Variants in MCF2 observed in about 807,000 individuals in gnomAD.
The protein encoded by MCF2 is MCF.2 cell line derived transforming sequence, also known as proto-oncogene DBL.
Under a neutral mutation model 82.5 loss-of-function variants are expected in MCF2, and 44 were observed. The ratio of observed to expected loss-of-function variants is 0.53; its 90% confidence interval spans 0.42 to 0.69. The LOEUF is 0.69. Ranked by LOEUF, MCF2 falls within the 30% of genes least tolerant of loss-of-function variation. The pLI is 0.00. For synonymous variants in MCF2, 217 were observed against 224.9 expected, an observed-to-expected ratio of 0.96 and a Z score of 0.32; for missense variants, 623 against 663.1, an observed-to-expected ratio of 0.94 and a Z score of 0.66.
upstream of MCF2, among the ~76,000 whole-genome samples, chrX:139,645,025 T>C (rs1010908048): frequency 9.0e-6 from 1 of 110,956 alleles, no homozygotes; most frequent in Non-Finnish European, 1.9e-5. Context: ...AGAGAAAATG[T>C]TTCTCTCTCT....
chrX:139,655,294 G>C (rs1158942199), intron 1 of MCF2, among the ~76,000 whole-genome samples: 1 of 111,483 alleles, frequency 9.0e-6, no homozygotes, highest in Admixed American at 9.5e-5. Flanking sequence ...TTCCAATTTT[G>C]TGTGTCCTCT....
intron 10 of MCF2, among the ~76,000 whole-genome samples, chrX:139,614,507 ATGTGTGTG>A (rs10578610): frequency 0.018 from 1,826 of 102,978 alleles, 30 homozygotes; most frequent in African/African-American, 0.056. Context: ...AGCAGTAAAT[ATGTGTGTG>A]TGTGTGTGTG....
intron 1 of MCF2, among the ~76,000 whole-genome samples, chrX:139,637,730 T>C (rs1933315283): frequency 8.9e-6 from 1 of 111,824 alleles, no homozygotes; most frequent in Admixed American, 9.5e-5. Context: ...AGTGCCATTA[T>C]CCTCAAAGAT....
rs1256674393 is a variant in MCF2 at position 139,589,855 on chromosome X, C to T, written c.2350G>A (p.Glu784Lys). ...CCAACCTGGACAATATAAACTTCTT[C>T]CTTTTCACCATACCAGATTTCAAAC... The change falls in exon 20 of 25, where the codon GAA becomes AAA. Residue 784 changes from glutamate to lysine, a missense_variant. Glu to Lys is a moderately conservative substitution (Grantham distance 56). Transcript: ENST00000370576. The T allele has an allele frequency of 8.4e-7, 1 of 1,194,507 alleles. No individual in the cohort carries two copies. The highest frequency in any genetic ancestry group is 2.3e-5 in the Admixed American group (1 of 43,048).
At chrX:139,640,250 T>C (rs1933484315) in intron 1 of MCF2, among the ~76,000 whole-genome samples, 2 of 112,013 alleles carry the variant, frequency 1.8e-5, no homozygotes, top group South Asian at 7.4e-4. Flanking sequence ...TAATTTACTG[T>C]CAGACAAATG....
At chrX:139,604,831 T>C in intron 14 of MCF2, 38 bp downstream of exon 18, 1 of 1,080,208 alleles carries the variant, frequency 9.3e-7, no homozygotes, top group African/African-American at 1.8e-5. Flanking sequence ...TTTAAATAGT[T>C]TTATAAAAAA....
At chrX:139,696,167 T>A (rs1318852623) in intron 1 of MCF2, among the ~76,000 whole-genome samples, 2 of 111,455 alleles carry the variant, frequency 1.8e-5, no homozygotes, top group African/African-American at 3.3e-5. Context: ...AATTCCTCTC[T>A]CTAATGTGAT....
At chrX:139,645,683 C>G (rs774207895), upstream of MCF2, 3 of 931,814 alleles carry the variant, frequency 3.2e-6, no homozygotes, top group South Asian at 4.4e-5. Flanking sequence ...GAAATAAGAA[C>G]TTTTTCTTAA....
At position 139,656,061 on chromosome X, in the gene MCF2, T is replaced by G. The variant is rs746419652; in HGVS notation, c.-44-4273A>C. On this transcript the variant is annotated intron_variant, in intron 1 of 27. Transcript: ENST00000414978. ...TGCTGTTTTTTTTTGTTTGTTTGTT[T>G]TGTTTTTGTTTTTGTTTTGAGACGG... is the stretch of plus-strand genomic sequence containing the variant. Among the ~76,000 whole-genome samples, 11 of 111,729 alleles carry G rather than the reference T, an allele frequency of 9.8e-5. No individual in the cohort carries two copies. In the South Asian group the frequency reaches 2.2e-3, roughly 23 times the overall value.
intron 1 of MCF2, among the ~76,000 whole-genome samples, chrX:139,698,323 G>A (rs2148583813): frequency 8.9e-6 from 1 of 112,604 alleles, no homozygotes; most frequent in African/African-American, 3.2e-5. Flanking sequence ...AAATGTAAAT[G>A]TTAACTGCTT....
At chrX:139,696,716 A>G (rs903110213) in intron 1 of MCF2, among the ~76,000 whole-genome samples, 6 of 111,906 alleles carry the variant, frequency 5.4e-5, no homozygotes, top group African/African-American at 1.3e-4. Flanking sequence ...TAAATTAGGC[A>G]TAGGTTTTGA....
At chrX:139,591,897 TA>T (rs779291305) in intron 19 of MCF2, among the ~76,000 whole-genome samples, 85 of 104,437 alleles carry the variant, frequency 8.1e-4, no homozygotes, top group African/African-American at 2.2e-3. Context: ...AAATAAAAGT[TA>T]AAAAAAAAAG....
At chrX:139,633,795 T>C (rs1933047359) in intron 1 of MCF2, among the ~76,000 whole-genome samples, 1 of 111,244 alleles carries the variant, frequency 9.0e-6, no homozygotes, top group Non-Finnish European at 1.9e-5. Context: ...ACAGATGAGC[T>C]AGGAGGCTGG....
exon 25 of MCF2, chrX:139,582,425 G>A (rs761193854): frequency 1.3e-5 from 15 of 1,196,663 alleles, no homozygotes; most frequent in Middle Eastern, 2.3e-4. Context: ...AATGAGCTGA[G>A]AAGCAGGCAG....
At chrX:139,668,920 T>C (rs1421890098) in intron 1 of MCF2, among the ~76,000 whole-genome samples, 1 of 111,375 alleles carries the variant, frequency 9.0e-6, no homozygotes, top group Non-Finnish European at 1.9e-5. Context: ...CACCAAAATG[T>C]AGCAGCTAAA....
intron 1 of MCF2, among the ~76,000 whole-genome samples, chrX:139,670,318 C>T (rs1419564020): frequency 9.0e-6 from 1 of 111,349 alleles, no homozygotes; most frequent in Non-Finnish European, 1.9e-5. Context: ...ACATTTAATT[C>T]TTTTTTTATT....
At chrX:139,614,387 C>T (rs753430270) in intron 10 of MCF2, among the ~76,000 whole-genome samples, 1 of 111,422 alleles carries the variant, frequency 9.0e-6, no homozygotes, top group South Asian at 3.7e-4. Flanking sequence ...CTTATAAGAA[C>T]CAAGTCATAT....
intron 1 of MCF2, among the ~76,000 whole-genome samples, chrX:139,670,375 C>T (rs778656541): frequency 1.8e-5 from 2 of 111,215 alleles, no homozygotes; most frequent in African/African-American, 6.5e-5. Context: ...AGGTTTGTTA[C>T]ATAGGTATAC....
intron 1 of MCF2, among the ~76,000 whole-genome samples, chrX:139,653,184 T>C (rs1934089738): frequency 8.9e-6 from 1 of 112,014 alleles, no homozygotes; most frequent in African/African-American, 3.2e-5. Flanking sequence ...GCTACAAACA[T>C]GTGTCACATA....
Sources: gnomAD v4.1 joint callset for allele counts (sites outside exome capture counted in the v4.1 genomes callset) on GRCh38, gnomAD v4.1.1 for gene constraint, MANE v1.5 for transcripts, NCBI Gene and HGNC (gene_info 2026-07-23, HGNC 2026-07-21) for gene names.